The following MORN4 variants were observed in gnomAD, a reference collection of about 807,000 sequenced individuals.
MORN4 encodes MORN repeat-containing protein 4.
In MORN4, 8 loss-of-function variants were observed where a neutral mutation model predicts 16.4. The observed-to-expected ratio is 0.49, with a 90% CI of 0.29 to 0.88. MORN4 has a LOEUF of 0.88. Ranked by LOEUF, MORN4 falls within the 40% of genes least tolerant of loss-of-function variation. MORN4 has a pLI of 0.09. For missense variants in MORN4, 159 were observed against 182.9 expected (o/e 0.87, Z 0.75); for synonymous variants, 53 against 68.9 (o/e 0.77, Z 1.14).
At chr10:97,622,693 C>CAAAAAAAAA (rs1322656539) in intron 1 of MORN4, among the ~76,000 whole-genome samples, 2,394 of 55,638 alleles carry the variant, frequency 0.043, 250 homozygotes, top group African/African-American at 0.14. Flanking sequence ...GACCCTGTCT[C>CAAAAAAAAA]AAAAAAAAAA....
chr10:97,616,820 G>C (rs1362288479), intron 3 of MORN4, 33 bp from the exon 4 acceptor site: 1 of 1,467,238 alleles, frequency 6.8e-7, no homozygotes, highest in African/African-American at 1.4e-5. Context: ...GCCTTCAGTG[G>C]AAAGTTAGCT....
intron 1 of MORN4, among the ~76,000 whole-genome samples, chr10:97,632,287 TG>T (rs2041403636): frequency 6.7e-6 from 1 of 149,432 alleles, no homozygotes; most frequent in Non-Finnish European, 1.5e-5. Context: ...GGCAGGATCT[TG>T]GCTCACTGCA....
intron 1 of MORN4, among the ~76,000 whole-genome samples, chr10:97,624,567 T>G (rs1432240194): frequency 6.6e-6 from 1 of 152,182 alleles, no homozygotes; most frequent in East Asian, 1.9e-4. Flanking sequence ...TAGAGGTGTG[T>G]GCCAACACAC....
chr10:97,618,075 G>A (rs1188272670), intron 2 of MORN4, among the ~76,000 whole-genome samples: 2 of 152,038 alleles, frequency 1.3e-5, no homozygotes, highest in Non-Finnish European at 1.5e-5. Flanking sequence ...CTACTCAGGA[G>A]GCTGAGGCAG....
In MORN4 at chr10:97,617,201, T is replaced by C. The variant is rs779392353; in HGVS notation, c.182+7A>G. 1.9e-5 allele frequency: 31 copies of C among 1,607,776 alleles called. No homozygotes were observed. Among genetic ancestry groups the C allele is most frequent in the Non-Finnish European group, 2.4e-5 (28 of 1,174,318 alleles). On this transcript the variant is annotated splice_region_variant and intron_variant, in intron 3 of 4. Coordinates refer to ENST00000307450, the MANE Select transcript of MORN4 (RefSeq NM_178832.4). ...TAAGGCTAAGAAAGGAATGACCTCA[T>C]ACCCACCTTGAACCATCTGAGAAGG... is the stretch of plus-strand genomic sequence containing the variant.
intron 3 of MORN4, 106 bp from the exon 4 acceptor site, chr10:97,616,893 C>A (rs1257973999): frequency 7.5e-6 from 6 of 796,648 alleles, no homozygotes; most frequent in Non-Finnish European, 1.3e-5. Context: ...AAGGAGCAAG[C>A]CGATTCTACC....
chr10:97,625,950 C>T (rs537162106), intron 1 of MORN4, among the ~76,000 whole-genome samples: 4 of 152,234 alleles, frequency 2.6e-5, no homozygotes, highest in East Asian at 3.9e-4. Flanking sequence ...TTGTAGAGAC[C>T]GTGTCCCACT....
intron 1 of MORN4, among the ~76,000 whole-genome samples, chr10:97,632,381 G>T (rs1589926045): frequency 6.6e-6 from 1 of 151,886 alleles, no homozygotes; most frequent in African/African-American, 2.4e-5. Context: ...ACCATGCTTG[G>T]CTAATTTTTG....
intron 1 of MORN4, among the ~76,000 whole-genome samples, chr10:97,631,841 A>G (rs1472156380): frequency 6.6e-6 from 1 of 152,152 alleles, no homozygotes; most frequent in East Asian, 1.9e-4. Flanking sequence ...AGGCTGAGGT[A>G]GGAGGATTGC....
upstream of MORN4, chr10:97,633,697 AGG>A: frequency 3.3e-6 from 4 of 1,197,662 alleles, no homozygotes; most frequent in Non-Finnish European, 4.3e-6. The surrounding 1 kb of genome is among the most constrained non-coding windows in gnomAD (Gnocchi z 4.5). Context: ...GCCTACCCAG[AGG>A]CCGTCTAGTT....
In MORN4 at chr10:97,619,322, T is replaced by C. The variant is rs371899474; in HGVS notation, c.67+265A>G. On this transcript the variant is annotated intron_variant, in intron 2 of 4. Transcript: ENST00000307450. ...CCTAGGCAACATAGTGAGCGAGACC[T>C]CATCTCAAAAAACAAAACAAAACAA... is the stretch of plus-strand genomic sequence containing the variant. 51 of 571,746 alleles carry C rather than the reference T, an allele frequency of 8.9e-5. No homozygotes were observed. In the South Asian group the frequency reaches 1.1e-3, roughly 13 times the overall value. 35.4% of individuals were successfully genotyped at this position (571,746 alleles called of 1,614,324 possible).
chr10:97,624,570 C>T (rs1264996902), intron 1 of MORN4, among the ~76,000 whole-genome samples: 1 of 152,114 alleles, frequency 6.6e-6, no homozygotes, highest in African/African-American at 2.4e-5. Flanking sequence ...AGGTGTGTGC[C>T]AACACACCCA....
intron 1 of MORN4, among the ~76,000 whole-genome samples, chr10:97,629,828 G>A (rs930404247): frequency 3.3e-5 from 5 of 151,448 alleles, no homozygotes; most frequent in Non-Finnish European, 5.9e-5. Flanking sequence ...GTGTGATCTC[G>A]GCTCACTGCA....
intron 2 of MORN4, among the ~76,000 whole-genome samples, chr10:97,618,064 G>C (rs560140158): frequency 2.0e-5 from 3 of 151,906 alleles, no homozygotes; most frequent in Non-Finnish European, 4.4e-5. Flanking sequence ...CTGTAACCCA[G>C]CTACTCAGGA....
In MORN4 at chr10:97,615,800, C is replaced by T. The variant is rs1231430183; in HGVS notation, c.*463G>A. On this transcript the variant is annotated 3_prime_UTR_variant, in exon 5 of 5. Coordinates refer to ENST00000307450, the MANE Select transcript of MORN4 (RefSeq NM_178832.4). ...AGCTCTGGCCTTGACTTTCACAGGGCTGCTGTACTGAGCCACCCCTATCTT... is the reference window on the plus strand; with the variant it reads ...AGCTCTGGCCTTGACTTTCACAGGGTTGCTGTACTGAGCCACCCCTATCTT... 1 of 152,158 alleles carries T rather than the reference C, an allele frequency of 6.6e-6. No homozygotes were observed. Among genetic ancestry groups the T allele is most frequent in the Non-Finnish European group, 1.5e-5 (1 of 68,140 alleles). The allele number at this position is 152,158 out of a possible 1,614,324, so 9.4% of individuals were successfully genotyped here.
At chr10:97,630,719 T>C (rs1206568948) in intron 1 of MORN4, among the ~76,000 whole-genome samples, 1 of 152,280 alleles carries the variant, frequency 6.6e-6, no homozygotes, top group Non-Finnish European at 1.5e-5. Flanking sequence ...CTGGATTTTA[T>C]GACTTTTATA....
intron 2 of MORN4, 57 bp from the exon 3 acceptor site, chr10:97,617,379 C>G (rs1174868414): frequency 7.4e-7 from 1 of 1,344,556 alleles, no homozygotes; most frequent in Admixed American, 1.7e-5. Flanking sequence ...AGGGTCCCTT[C>G]TTACTCTTGT....
rs566028123 is a variant in MORN4 at position 97,618,603 on chromosome 10, C to T, written c.67+984G>A. ...GAGGCTCTGCTGGGTGGGCTGTATCCACCACAAGAACTCCCTTGAATTCTG... is the reference window on the plus strand; with the variant it reads ...GAGGCTCTGCTGGGTGGGCTGTATCTACCACAAGAACTCCCTTGAATTCTG... On this transcript the variant is annotated intron_variant, in intron 2 of 4. Coordinates refer to ENST00000307450, the MANE Select transcript of MORN4 (RefSeq NM_178832.4). 5.9e-5 allele frequency among the ~76,000 whole-genome samples: 9 copies of T among 152,168 alleles called. No individual in the cohort carries two copies. In the South Asian group the frequency reaches 1.7e-3, roughly 28 times the overall value.
intron 2 of MORN4, among the ~76,000 whole-genome samples, chr10:97,618,049 C>T (rs945769161): frequency 5.3e-5 from 8 of 151,590 alleles, no homozygotes; most frequent in South Asian, 2.1e-4. Context: ...GGTGGTGGCG[C>T]GCTCCTGTAA....
Sources: allele counts gnomAD v4.1 joint callset (sites outside exome capture counted in the v4.1 genomes callset), GRCh38; gene constraint gnomAD v4.1.1; non-coding constraint Gnocchi (gnomAD v3.1); transcripts MANE v1.5; gene names NCBI Gene and HGNC (gene_info 2026-07-23, HGNC 2026-07-21).